RASA3: variants seen among roughly 807,000 people sequenced by gnomAD.
The protein encoded by RASA3 is ras GTPase-activating protein 3.
In RASA3, 73 loss-of-function variants were observed where a neutral mutation model predicts 110.0. The observed-to-expected ratio is 0.66, with a 90% CI of 0.55 to 0.81. The LOEUF is 0.81. RASA3 is among the 30% of genes least tolerant of loss of function. The pLI is 0.00. For synonymous variants in RASA3, 500 were observed against 451.4 expected, an observed-to-expected ratio of 1.11 and a Z score of -1.37; for missense variants, 976 against 1,113.2, an observed-to-expected ratio of 0.88 and a Z score of 1.75.
chr13:114,003,473 T>C (rs1166935551), intron 18 of RASA3, among the ~76,000 whole-genome samples: 1 of 152,366 alleles, frequency 6.6e-6, no homozygotes, highest in African/African-American at 2.4e-5. Flanking sequence ...TTATGAAATG[T>C]AGAAAGTAAA....
chr13:114,043,823 A>ACCTCACTCGCTGAGCCCCCCCCCCCCC (rs2078982096), intron 3 of RASA3, among the ~76,000 whole-genome samples: 1 of 128,540 alleles, frequency 7.8e-6, no homozygotes, highest in Non-Finnish European at 1.7e-5. Flanking sequence ...CGCCTGGCCC[A>ACCTCACTCGCTGAGCCCCCCCCCCCCC]CCTCACTCGC....
At chr13:114,070,276 C>A (rs1281477570) in intron 2 of RASA3, among the ~76,000 whole-genome samples, 3 of 151,806 alleles carry the variant, frequency 2.0e-5, no homozygotes, top group East Asian at 3.9e-4. Flanking sequence ...AAAGTGGGTG[C>A]CACCATGGAG....
At chr13:114,074,112 C>A (rs994663287) in intron 1 of RASA3, among the ~76,000 whole-genome samples, 3 of 152,206 alleles carry the variant, frequency 2.0e-5, no homozygotes, top group Non-Finnish European at 2.9e-5. Context: ...CTGCATTAGT[C>A]CCTTTATTTT....
chr13:114,108,322 C>T (rs2080166783), intron 1 of RASA3, among the ~76,000 whole-genome samples: 2 of 148,874 alleles, frequency 1.3e-5, no homozygotes, highest in African/African-American at 5.0e-5. Flanking sequence ...GAAACCATCA[C>T]CCCATCTGTC....
chr13:114,013,245 T>A lies in RASA3; in HGVS notation c.1409A>T (p.Asp470Val). 1 of 1,610,670 alleles carries A rather than the reference T, an allele frequency of 6.2e-7. No individual in the cohort carries two copies. Among genetic ancestry groups the A allele is most frequent in the Non-Finnish European group, 8.5e-7 (1 of 1,178,626 alleles). Residue 470 changes from aspartate (D) to valine (V), a missense_variant, in exon 15 of 24, where the codon GAC (aspartate) becomes GTC (valine). This residue lies in a region of RASA3 where 732 missense variants were observed against 779.7 expected (regional missense o/e 0.94). Coordinates refer to ENST00000334062, the MANE Select transcript of RASA3 (RefSeq NM_007368.4). Reference sequence around the variant, plus strand: ...CACTGCAGTGTACCTGACGTCCGGGTCATCTGCGGGAGAGAGAAGCAGGGT... The same window carrying A: ...CACTGCAGTGTACCTGACGTCCGGGACATCTGCGGGAGAGAGAAGCAGGGT... ...REAAAKRFQD[D>V]PDVRYTAVSS...
At position 113,979,287 on chromosome 13, in the gene RASA3, C is replaced by G; in HGVS notation, c.*60G>C. On this transcript the variant is annotated 3_prime_UTR_variant, in exon 24 of 24. Coordinates refer to ENST00000334062, the MANE Select transcript of RASA3 (RefSeq NM_007368.4). ...TGCGCTCTTCCTTCTCTTCTCCCTC[C>G]CAAAGGCTGCGGCTTTGCATGGGCA... 1 of 1,464,440 alleles carries G rather than the reference C, an allele frequency of 6.8e-7. No individual in the cohort carries two copies. Among genetic ancestry groups the G allele is most frequent in the Non-Finnish European group, 9.6e-7 (1 of 1,045,258 alleles). The allele number at this position is 1,464,440 out of a possible 1,614,324, so 90.7% of individuals were successfully genotyped here.
rs182644830 is a variant in RASA3 at position 114,070,513 on chromosome 13, G to T, written c.173+3207C>A. 1.9e-3 allele frequency among the ~76,000 whole-genome samples: 290 copies of T among 152,282 alleles called. 1 individual carries two copies. Among genetic ancestry groups the T allele is most frequent in the Middle Eastern group, 0.014 (4 of 294 alleles). On this transcript the variant is annotated intron_variant, in intron 2 of 23. Transcript: ENST00000334062. The stretch of plus-strand genomic sequence containing the variant: ...CCTTTCCTGCCAACTTTTTGTATGG[G>T]GTGGGTTGATTTGCGTTTTGCCCTC...
At chr13:113,983,032 T>A (rs907240275) in intron 22 of RASA3, among the ~76,000 whole-genome samples, 1 of 151,244 alleles carries the variant, frequency 6.6e-6, no homozygotes, top group Non-Finnish European at 1.5e-5. Flanking sequence ...GAGAAGTGGC[T>A]GCTGCTGTAC....
At chr13:113,996,232 C>T (rs1052457307) in intron 21 of RASA3, among the ~76,000 whole-genome samples, 13 of 152,266 alleles carry the variant, frequency 8.5e-5, no homozygotes, top group African/African-American at 2.4e-4. Flanking sequence ...GCAGGATGGC[C>T]ACGGCCTGGG....
intron 1 of RASA3, among the ~76,000 whole-genome samples, chr13:114,117,124 GATGCAT>G (rs2080292792): frequency 1.4e-5 from 2 of 138,580 alleles, no homozygotes; most frequent in Admixed American, 1.4e-4. Context: ...GTGTGTGAGG[GATGCAT>G]GTGTGTGAGG....
chr13:114,014,566 A>G lies in RASA3; in HGVS notation c.1405+643T>C, dbSNP rs1277972916. Among the ~76,000 whole-genome samples the G allele has an allele frequency of 6.6e-6, 1 of 152,138 alleles. No homozygotes were observed. The highest frequency in any genetic ancestry group is 1.9e-4 in the East Asian group (1 of 5,172). On this transcript the variant is annotated intron_variant, in intron 14 of 23. Coordinates refer to ENST00000334062, the MANE Select transcript of RASA3 (RefSeq NM_007368.4). This position sits in a 1 kb window ranked among gnomAD's most constrained non-coding sequence, Gnocchi z 4.5. The stretch of plus-strand genomic sequence containing the variant: ...CTCTCAGCGCCCCATACATAGCCTG[A>G]GTCCTGGCGGGGTCTTGAGTATCGC...
intron 14 of RASA3, 52 bp from the exon 15 acceptor site, chr13:114,013,300 T>G: frequency 7.1e-7 from 1 of 1,409,840 alleles, no homozygotes; most frequent in Non-Finnish European, 9.8e-7. Context: ...AATGGCCTCG[T>G]GGGGACACCA....
rs554636485 is a variant in RASA3 at position 114,042,300 on chromosome 13, C to T, written c.278-1206G>A. Among the ~76,000 whole-genome samples, 44 of 152,384 alleles carry T rather than the reference C, an allele frequency of 2.9e-4. 2 individuals are homozygous for T. The South Asian group carries it at 8.3e-3, about 29-fold the overall frequency. Reference sequence around the variant, plus strand: ...AGTGGCCTCCGCACACTGCGGACCACGCCACCCACCACGGTGAGCACCCAC... The same window carrying T: ...AGTGGCCTCCGCACACTGCGGACCATGCCACCCACCACGGTGAGCACCCAC... On this transcript the variant is annotated intron_variant, in intron 3 of 23. Transcript: ENST00000334062.
At chr13:114,028,548 C>T (rs1202466503) in intron 5 of RASA3, among the ~76,000 whole-genome samples, 11 of 146,632 alleles carry the variant, frequency 7.5e-5, no homozygotes, top group Non-Finnish European at 1.0e-4. Context: ...TCTAAAACAG[C>T]GTCATCCTGG....
At chr13:114,054,861 GAGCCAT>G (rs1306442985) in intron 2 of RASA3, among the ~76,000 whole-genome samples, 2 of 152,258 alleles carry the variant, frequency 1.3e-5, no homozygotes, top group African/African-American at 4.8e-5. Flanking sequence ...TTGACGCAGC[GAGCCAT>G]CCTCTGATCT....
rs2053757999 is a variant in RASA3 at position 114,015,090 on chromosome 13, G to A, written c.1405+119C>T. 3.6e-6 allele frequency: 5 copies of A among 1,383,418 alleles called. No homozygotes were observed. In the East Asian group the frequency reaches 1.2e-4, roughly 32 times the overall value. 85.7% of individuals were successfully genotyped at this position (1,383,418 alleles called of 1,614,324 possible). On this transcript the variant is annotated intron_variant, in intron 14 of 23. Transcript: ENST00000334062. Reference sequence around the variant, plus strand: ...GGAAAAATCCAGCATCGGAACTGGGGTTCACGACCCCGCAGTTCTAGTCTA... The same window carrying A: ...GGAAAAATCCAGCATCGGAACTGGGATTCACGACCCCGCAGTTCTAGTCTA...
At chr13:113,988,565 C>CAGT (rs2053022859) in intron 22 of RASA3, among the ~76,000 whole-genome samples, 1 of 47,122 alleles carries the variant, frequency 2.1e-5, no homozygotes, top group Non-Finnish European at 3.6e-5. Flanking sequence ...CACCATCACT[C>CAGT]ACCCATCCTT....
At position 114,018,153 on chromosome 13, in the gene RASA3, C is replaced by T. The variant is rs1353171780; in HGVS notation, c.1042G>A (p.Val348Met). 1.3e-6 allele frequency: 2 copies of T among 1,550,510 alleles called. No individual in the cohort carries two copies. Among genetic ancestry groups the T allele is most frequent in the Admixed American group, 2.0e-5 (1 of 51,030 alleles). The change falls in exon 11 of 24, where the codon GTG becomes ATG. Residue 348 changes from valine to methionine, a missense_variant. By Grantham distance (21) the Val-to-Met change is conservative. Transcript: ENST00000334062. ...LVRLFLHYGR[V>M]VPFISAIASA... is the part of the protein sequence containing the mutation. ...GCGATGGCACTGATGAATGGCACCACCCTGCCATAGTGTAGGAAGAGCCGC... is the reference window on the plus strand; with the variant it reads ...GCGATGGCACTGATGAATGGCACCATCCTGCCATAGTGTAGGAAGAGCCGC...
chr13:114,108,010 G>T (rs149808673), intron 1 of RASA3, among the ~76,000 whole-genome samples: 1 of 151,992 alleles, frequency 6.6e-6, no homozygotes, highest in African/African-American at 2.4e-5. Context: ...TCCCCTAGGG[G>T]CTCTGCGGGA....
Sources: gnomAD v4.1 joint callset for allele counts (sites outside exome capture counted in the v4.1 genomes callset) on GRCh38, gnomAD v4.1.1 for gene constraint, gnomAD v4.1.1 regional missense constraint, Gnocchi (gnomAD v3.1) non-coding constraint, MANE v1.5 for transcripts, NCBI Gene and HGNC (gene_info 2026-07-23, HGNC 2026-07-21) for gene names.